The following SOCS4 variants were observed in gnomAD, a reference collection of about 807,000 sequenced individuals.
SOCS4 encodes the protein suppressor of cytokine signaling 4.
In SOCS4, 20 loss-of-function variants were observed where a neutral mutation model predicts 34.1. The ratio of observed to expected loss-of-function variants is 0.59; its 90% confidence interval spans 0.41 to 0.85. The LOEUF (loss-of-function observed/expected upper bound fraction) is 0.85. SOCS4 is among the 40% of genes least tolerant of loss of function. The probability of loss-of-function intolerance (pLI) is 0.00; values close to 1 mark genes in which losing one functional copy is unlikely to be tolerated. For synonymous variants in SOCS4, 180 were observed against 186.4 expected (o/e 0.97, Z 0.28); for missense variants, 479 against 532.4 (o/e 0.90, Z 0.99).
At chr14:55,031,287 C>T (rs1410383715) in intron 1 of SOCS4, among the ~76,000 whole-genome samples, 2 of 152,148 alleles carry the variant, frequency 1.3e-5, no homozygotes, top group South Asian at 2.1e-4. Flanking sequence ...TCCTAGACCT[C>T]TCTCCTTATC....
chr14:55,035,435 G>A (rs1446417254), intron 2 of SOCS4, among the ~76,000 whole-genome samples: 1 of 152,154 alleles, frequency 6.6e-6, no homozygotes, highest in Non-Finnish European at 1.5e-5. Flanking sequence ...TATCTGACAT[G>A]TGGATCCTTT....
intron 1 of SOCS4, among the ~76,000 whole-genome samples, chr14:55,030,520 C>A (rs754807711): frequency 9.2e-5 from 14 of 151,976 alleles, no homozygotes; most frequent in Non-Finnish European, 2.1e-4. Flanking sequence ...TCCCCTTTTT[C>A]TTAAAAAAAT....
At chr14:55,033,849 A>G (rs2042549212) in intron 2 of SOCS4, among the ~76,000 whole-genome samples, 1 of 152,228 alleles carries the variant, frequency 6.6e-6, no homozygotes, top group Non-Finnish European at 1.5e-5. Flanking sequence ...TATAAACAGT[A>G]AAGCTGGGCA....
intron 1 of SOCS4, among the ~76,000 whole-genome samples, 196 bp from the exon 2 acceptor site, chr14:55,031,667 A>G (rs2042530054): frequency 6.6e-6 from 1 of 152,214 alleles, no homozygotes; most frequent in Non-Finnish European, 1.5e-5. Context: ...CTACTAAATC[A>G]ATGATTCTTT....
Position 55,036,120 on chromosome 14 carries a change from A to G in SOCS4, c.-91+4129A>G, listed in dbSNP as rs2042570491. On this transcript the variant is annotated intron_variant, in intron 2 of 2. Coordinates refer to ENST00000555846, the MANE Select transcript of SOCS4 (RefSeq NM_199421.2). ...CATATATAGAGATACTGAGAATGTT[A>G]AAGTGGTTACTGCTGGGTGGTGGGA... Among the ~76,000 whole-genome samples, 3 of 152,214 alleles carry G rather than the reference A, an allele frequency of 2.0e-5. No homozygotes were observed. The South Asian group carries it at 6.2e-4, about 32-fold the overall frequency.
At chr14:55,033,838 A>T (rs560505914) in intron 2 of SOCS4, among the ~76,000 whole-genome samples, 1 of 152,372 alleles carries the variant, frequency 6.6e-6, no homozygotes, top group South Asian at 2.1e-4. Context: ...TTCTAGTAAG[A>T]TATAAACAGT....
rs1420978996 is a variant in SOCS4, at chr14:55,027,250, G to C, written c.-441G>C. 1 of 192,282 alleles carries C rather than the reference G, an allele frequency of 5.2e-6. No individual in the cohort carries two copies. The highest frequency in any genetic ancestry group is 1.1e-5 in the Non-Finnish European group (1 of 90,742). The allele number at this position is 192,282 out of a possible 1,614,324, so 11.9% of individuals were successfully genotyped here. A position where few individuals can be genotyped will look rare whatever the true frequency, so the allele number is the denominator to read the frequency against. ...GGGAGCTGAACACGGAAGTGGTGGC[G>C]GCGCCCAGGGAACCGGCGGAGGCGA... On this transcript the variant is annotated 5_prime_UTR_variant, in exon 1 of 3. Coordinates refer to ENST00000555846, the MANE Select transcript of SOCS4 (RefSeq NM_199421.2).
chr14:55,034,571 T>C (rs1023928632), intron 2 of SOCS4, among the ~76,000 whole-genome samples: 2 of 152,080 alleles, frequency 1.3e-5, no homozygotes, highest in Admixed American at 6.5e-5. Context: ...CGGTGACTCA[T>C]GCCTGTAATC....
In SOCS4 at chr14:55,043,396, A is replaced by G; in HGVS notation, c.355A>G (p.Lys119Glu). ...TCGGCACTCTTCAGGGCTTCCGTCT[A>G]AAAGGAAAATTCATATCAGTGAACT... ...SSRHSSGLPSKRKIHISELML... is the reference protein window; with the variant it reads ...SSRHSSGLPSERKIHISELML... Residue 119 changes from lysine (K) to glutamate (E), a missense_variant, in exon 3 of 3, where the codon AAA becomes GAA. Transcript: ENST00000555846. 1 of 1,614,208 alleles carries G rather than the reference A, an allele frequency of 6.2e-7. No individual in the cohort carries two copies. Among genetic ancestry groups the G allele is most frequent in the Non-Finnish European group, 8.5e-7 (1 of 1,180,034 alleles).
chr14:55,027,265 G>C lies in SOCS4; in HGVS notation c.-426G>C. On this transcript the variant is annotated 5_prime_UTR_variant, in exon 1 of 3. Coordinates refer to ENST00000555846, the MANE Select transcript of SOCS4 (RefSeq NM_199421.2). ...AAGTGGTGGCGGCGCCCAGGGAACC[G>C]GCGGAGGCGATGACCGTGACGGCTG... 5.1e-6 allele frequency: 1 copy of C among 197,166 alleles called. No individual in the cohort carries two copies. Among genetic ancestry groups the C allele is most frequent in the Non-Finnish European group, 1.1e-5 (1 of 93,812 alleles). 12.2% of individuals were successfully genotyped at this position (197,166 alleles called of 1,614,324 possible).
chr14:55,042,116 C>G (rs934717582), intron 2 of SOCS4, among the ~76,000 whole-genome samples: 1 of 152,120 alleles, frequency 6.6e-6, no homozygotes, highest in Non-Finnish European at 1.5e-5. Context: ...CATAAGAATA[C>G]TTAAGTAAAT....
intron 2 of SOCS4, among the ~76,000 whole-genome samples, chr14:55,036,623 C>CT: frequency 6.6e-6 from 1 of 152,206 alleles, no homozygotes; most frequent in East Asian, 1.9e-4. Context: ...GGATTACAGG[C>CT]TTGAGCCACC....
At chr14:55,035,510 G>A (rs749511616) in intron 2 of SOCS4, among the ~76,000 whole-genome samples, 11 of 152,034 alleles carry the variant, frequency 7.2e-5, no homozygotes, top group Non-Finnish European at 1.3e-4. Flanking sequence ...TCTTTACCTT[G>A]TAGTAACACT....
Position 55,043,559 on chromosome 14 carries a change from A to G in SOCS4, c.518A>G (p.Asp173Gly). ...GACTTGTCTCAGACTGAATTGAGGGATGGTCAGCTAAAACGAAGAAATATG... is the reference window on the plus strand; with the variant it reads ...GACTTGTCTCAGACTGAATTGAGGGGTGGTCAGCTAAAACGAAGAAATATG... The part of the protein sequence containing the change: ...STDLSQTELR[D>G]GQLKRRNMEE... The change falls in exon 3 of 3, where the codon GAT (aspartate) becomes GGT (glycine). Residue 173 changes from aspartate (D) to glycine (G), a missense_variant. Physicochemically the swap from Asp to Gly is moderately conservative, Grantham distance 94 (BLOSUM62 -1). Transcript: ENST00000555846. 3.1e-6 allele frequency: 5 copies of G among 1,614,178 alleles called. No individual in the cohort carries two copies. The highest frequency in any genetic ancestry group is 3.4e-6 in the Non-Finnish European group (4 of 1,180,020).
intron 2 of SOCS4, among the ~76,000 whole-genome samples, chr14:55,042,624 A>G (rs965183979): frequency 1.5e-4 from 23 of 152,358 alleles, no homozygotes; most frequent in Non-Finnish European, 7.4e-5. Flanking sequence ...AGAGATGAGC[A>G]TAAGATATAC....
intron 2 of SOCS4, among the ~76,000 whole-genome samples, chr14:55,042,670 T>C (rs1235571722): frequency 6.6e-6 from 1 of 152,194 alleles, no homozygotes; most frequent in East Asian, 1.9e-4. Flanking sequence ...TGAGTATTTA[T>C]TATGGTTGAT....
In SOCS4 at chr14:55,045,129, C is replaced by G. The variant is rs2042663079; in HGVS notation, c.*765C>G. On this transcript the variant is annotated 3_prime_UTR_variant, in exon 3 of 3. Coordinates refer to ENST00000555846, the MANE Select transcript of SOCS4 (RefSeq NM_199421.2). Reference sequence around the variant, plus strand: ...TTCTCTCAACCTGCAAGAGCTAAACCATCTTCAAAACATAAATCTTGTTCC... The same window carrying G: ...TTCTCTCAACCTGCAAGAGCTAAACGATCTTCAAAACATAAATCTTGTTCC... The G allele has an allele frequency of 6.0e-6, 1 of 166,960 alleles. No homozygotes were observed. Among genetic ancestry groups the G allele is most frequent in the Non-Finnish European group, 1.5e-5 (1 of 68,064 alleles). 10.3% of individuals were successfully genotyped at this position (166,960 alleles called of 1,614,324 possible).
intron 2 of SOCS4, 53 bp downstream of exon 2, chr14:55,032,044 A>G (rs1435760961): frequency 1.3e-5 from 2 of 152,176 alleles, no homozygotes; most frequent in Admixed American, 6.5e-5. Context: ...CTTAATTACT[A>G]CCAGAATAAT....
In SOCS4 at chr14:55,043,633, A is replaced by G. The variant is rs775495365; in HGVS notation, c.592A>G (p.Ile198Val). ...FSHTNVQPCVITTDNALCREG... is the reference protein window; with the variant it reads ...FSHTNVQPCVVTTDNALCREG... ...ACATACCAATGTTCAGCCCTGTGTC[A>G]TAACCACCGACAATGCTTTGTGTAG... The change falls in exon 3 of 3, where the codon ATA (isoleucine) becomes GTA (valine). Residue 198 changes from isoleucine (I) to valine (V), a missense_variant. By Grantham distance (29) the Ile-to-Val change is conservative. Coordinates refer to ENST00000555846, the MANE Select transcript of SOCS4 (RefSeq NM_199421.2). The G allele has an allele frequency of 1.9e-5, 30 of 1,614,212 alleles. No individual in the cohort carries two copies. Among genetic ancestry groups the G allele is most frequent in the Non-Finnish European group, 2.5e-5 (30 of 1,180,034 alleles).
Sources: allele counts gnomAD v4.1 joint callset (sites outside exome capture counted in the v4.1 genomes callset), GRCh38; gene constraint gnomAD v4.1.1; transcripts MANE v1.5; gene names NCBI Gene and HGNC (gene_info 2026-07-23, HGNC 2026-07-21).